DCUN1D4: variants seen among roughly 807,000 people sequenced by gnomAD.
DCUN1D4 encodes defective in cullin neddylation 1 domain containing 4, also known as DCN1-like protein 4.
In DCUN1D4, 22 loss-of-function variants were observed where a neutral mutation model predicts 47.9. That is an observed-to-expected ratio of 0.46 (90% CI 0.33 to 0.66). DCUN1D4 has a LOEUF of 0.66. Ranked by LOEUF, DCUN1D4 falls within the 30% of genes least tolerant of loss-of-function variation. The pLI, the probability that DCUN1D4 is intolerant of heterozygous loss-of-function variation, is 0.02. For synonymous variants in DCUN1D4, 121 were observed against 112.2 expected (o/e 1.08, Z -0.50); for missense variants, 301 against 340.8 (o/e 0.88, Z 0.92).
At chr4:51,842,584 A>G (rs1341547932), upstream of DCUN1D4, among the ~76,000 whole-genome samples, 3 of 152,182 alleles carry the variant, frequency 2.0e-5, no homozygotes, top group African/African-American at 7.2e-5. Context: ...GAAGCAGCTG[A>G]CAAGAGAAGT....
chr4:51,881,937 G>T (rs541756884), intron 5 of DCUN1D4, among the ~76,000 whole-genome samples: 7 of 152,142 alleles, frequency 4.6e-5, no homozygotes, highest in African/African-American at 1.7e-4. Flanking sequence ...GGAGGCTGAG[G>T]TAGGAGGATC....
At chr4:51,891,249 T>G (rs767398441) in intron 6 of DCUN1D4, among the ~76,000 whole-genome samples, 1 of 152,286 alleles carries the variant, frequency 6.6e-6, no homozygotes, top group Admixed American at 6.5e-5. Context: ...TTCTACTTCA[T>G]TCATCTTAGT....
intron 3 of DCUN1D4, among the ~76,000 whole-genome samples, chr4:51,870,091 G>T (rs951955067): frequency 6.6e-6 from 1 of 152,128 alleles, no homozygotes; most frequent in African/African-American, 2.4e-5. Flanking sequence ...TACCTCTGAT[G>T]CCAGATGTTC....
chr4:51,868,430 G>T (rs931514909), intron 3 of DCUN1D4, among the ~76,000 whole-genome samples: 1 of 152,218 alleles, frequency 6.6e-6, no homozygotes, highest in Non-Finnish European at 1.5e-5. Flanking sequence ...CTGTTACCTT[G>T]TAAGTGCCCA....
intron 6 of DCUN1D4, among the ~76,000 whole-genome samples, chr4:51,889,039 G>T (rs981486651): frequency 6.6e-6 from 1 of 152,098 alleles, no homozygotes; most frequent in Non-Finnish European, 1.5e-5. Context: ...AGCCCAGGAG[G>T]TGGAGGTTGC....
Position 51,886,557 on chromosome 4 carries a change from G to A in DCUN1D4, c.344-11G>A, listed in dbSNP as rs1229251522. On this transcript the variant is annotated splice_polypyrimidine_tract_variant and intron_variant, in intron 5 of 10. Coordinates refer to ENST00000334635, the MANE Select transcript of DCUN1D4 (RefSeq NM_001040402.3). ...GGTCAGATTTAATTTACATAAGACT[G>A]TATTTCACAGGAACTGATGATGTTG... 2 of 1,612,962 alleles carry A rather than the reference G, an allele frequency of 1.2e-6. No homozygotes were observed. The highest frequency in any genetic ancestry group is 1.7e-6 in the Non-Finnish European group (2 of 1,179,178).
At chr4:51,834,096 C>CTTTTTTTTTTTTTTTT in the DCUN1D4 span, among the ~76,000 whole-genome samples, 3 of 43,580 alleles carry the variant, frequency 6.9e-5, no homozygotes, top group Non-Finnish European at 7.6e-5. Flanking sequence ...CTTTTCTTTT[C>CTTTTTTTTTTTTTTTT]TTCTTTCTTT....
intron 8 of DCUN1D4, 142 bp from the exon 9 acceptor site, chr4:51,910,928 C>T: frequency 1.3e-6 from 1 of 755,478 alleles, no homozygotes; most frequent in Non-Finnish European, 2.2e-6. Context: ...CCTCCCTAAC[C>T]TTAGTCTGGA....
chr4:51,833,960 G>C, the DCUN1D4 span, among the ~76,000 whole-genome samples: 115 of 151,692 alleles, frequency 7.6e-4, 1 homozygote, highest in East Asian at 0.017. Context: ...AGAGTAGAAG[G>C]GGGGAGATTT....
intron 1 of DCUN1D4, among the ~76,000 whole-genome samples, chr4:51,847,105 T>C (rs1057242574): frequency 1.4e-4 from 22 of 152,192 alleles, no homozygotes; most frequent in Non-Finnish European, 2.4e-4. Context: ...TTGTAAGATA[T>C]GGCCTTTCGT....
rs1373439978 is a variant in DCUN1D4 at position 51,843,252 on chromosome 4, G to C, written c.10G>C (p.Asp4His). The C allele has an allele frequency of 9.7e-6, 15 of 1,542,426 alleles. No individual in the cohort carries two copies. Among genetic ancestry groups the C allele is most frequent in the Non-Finnish European group, 1.3e-5 (15 of 1,144,108 alleles). ...TGTGAGCTGCCTGAAAATGCACTCGGATGCCGCCGCTGTCAGTGAGTAGCA... is the reference window on the plus strand; with the variant it reads ...TGTGAGCTGCCTGAAAATGCACTCGCATGCCGCCGCTGTCAGTGAGTAGCA... MHSDAAAVNFQLNS... is the reference protein window; with the variant it reads MHSHAAAVNFQLNS... The change falls in exon 1 of 11, where the codon GAT becomes CAT. Residue 4 changes from aspartate to histidine, a missense_variant. This residue lies in a region of DCUN1D4 where 131 missense variants were observed against 106.3 expected (regional missense o/e 1.23). Transcript: ENST00000334635.
chr4:51,856,853 G>A (rs1170195535), intron 1 of DCUN1D4, among the ~76,000 whole-genome samples: 1 of 152,028 alleles, frequency 6.6e-6, no homozygotes, highest in Non-Finnish European at 1.5e-5. Context: ...AATACCACTG[G>A]AAACACTTGC....
rs1053132467 is a variant in DCUN1D4, at chr4:51,877,920, T to A, written c.343+66T>A. ...CAATAAGGAGTACCTTAGAGATGAT[T>A]AAAGAATTTAAAAATGTGTACATTT... On this transcript the variant is annotated intron_variant, in intron 5 of 10. Coordinates refer to ENST00000334635, the MANE Select transcript of DCUN1D4 (RefSeq NM_001040402.3). 4 of 1,123,552 alleles carry A rather than the reference T, an allele frequency of 3.6e-6. No homozygotes were observed. In the Admixed American group the frequency reaches 9.4e-5, roughly 26 times the overall value. The allele number at this position is 1,123,552 out of a possible 1,614,324, so 69.6% of individuals were successfully genotyped here. A position where few individuals can be genotyped will look rare whatever the true frequency, so the allele number is the denominator to read the frequency against.
chr4:51,877,323 C>G (rs1727864132), intron 4 of DCUN1D4: 1 of 152,198 alleles, frequency 6.6e-6, no homozygotes. Context: ...CTTGAGTTGT[C>G]TAATATTGAG....
At chr4:51,898,660 G>A (rs183893432) in intron 7 of DCUN1D4, among the ~76,000 whole-genome samples, 12 of 152,310 alleles carry the variant, frequency 7.9e-5, no homozygotes, top group African/African-American at 2.6e-4. Context: ...CTTGTCAGAA[G>A]TGTTGGATCT....
In DCUN1D4 at chr4:51,863,495, C is replaced by T; in HGVS notation, c.84C>T (p.Thr28=). The T allele has an allele frequency of 6.2e-7, 1 of 1,611,934 alleles. No homozygotes were observed. ...CAAATATTCATAAGATCTACCACAC[C>T]CTTAATAAGCTGGTAAGTCATTCTT... ...TLANIHKIYH[T]LNKLNLTEDI... The change falls in exon 2 of 11, where the codon ACC becomes ACT. Residue 28 remains threonine, a synonymous_variant. Transcript: ENST00000334635.
chr4:51,909,721 T>G (rs977317417), intron 8 of DCUN1D4, among the ~76,000 whole-genome samples: 1 of 152,158 alleles, frequency 6.6e-6, no homozygotes, highest in Non-Finnish European at 1.5e-5. Flanking sequence ...CTCATCAGAC[T>G]TAAGTTATGT....
At chr4:51,853,788 T>A (rs1359035332) in intron 1 of DCUN1D4, among the ~76,000 whole-genome samples, 1 of 152,158 alleles carries the variant, frequency 6.6e-6, no homozygotes, top group Non-Finnish European at 1.5e-5. Context: ...GGAAGCTGGG[T>A]TTATTTTGGG....
intron 3 of DCUN1D4, among the ~76,000 whole-genome samples, chr4:51,870,582 C>T (rs1178988971): frequency 6.6e-6 from 1 of 151,704 alleles, no homozygotes; most frequent in East Asian, 1.9e-4. Context: ...GAGAGTCTAC[C>T]GTATGACTCA....
Sources: allele counts gnomAD v4.1 joint callset (sites outside exome capture counted in the v4.1 genomes callset), GRCh38; gene constraint gnomAD v4.1.1; regional missense constraint gnomAD v4.1.1; transcripts MANE v1.5; gene names NCBI Gene and HGNC (gene_info 2026-07-23, HGNC 2026-07-21).